Variants in MPPED2 observed in about 807,000 individuals in gnomAD.
The protein encoded by MPPED2 is metallophosphoesterase domain containing 2, also known as metallophosphoesterase MPPED2.
Under a neutral mutation model 33.0 loss-of-function variants are expected in MPPED2, and 5 were observed. That is an observed-to-expected ratio of 0.15 (90% CI 0.08 to 0.32). The LOEUF is 0.32. Ranked by LOEUF, MPPED2 falls within the 10% of genes least tolerant of loss-of-function variation. The pLI, the probability that MPPED2 is intolerant of heterozygous loss-of-function variation, is 1.00. For missense variants in MPPED2, 275 were observed against 372.1 expected, an observed-to-expected ratio of 0.74 and a Z score of 2.15; for synonymous variants, 136 against 141.9, an observed-to-expected ratio of 0.96 and a Z score of 0.29.
intron 4 of MPPED2, chr11:30,441,511 G>A (rs1949571032): frequency 6.6e-6 from 1 of 152,170 alleles, no homozygotes; most frequent in Admixed American, 6.5e-5. Context: ...CATCTGTAAT[G>A]TATGAAATAC....
intron 4 of MPPED2, among the ~76,000 whole-genome samples, chr11:30,457,389 A>T (rs1950323627): frequency 6.6e-6 from 1 of 152,150 alleles, no homozygotes. Context: ...TTCCAAAAAA[A>T]AAAAAAAAAC....
rs556460703 is a variant in MPPED2 at position 30,428,110 on chromosome 11, C to T, written c.537-10477G>A. 2.0e-5 allele frequency among the ~76,000 whole-genome samples: 3 copies of T among 152,236 alleles called. No individual in the cohort carries two copies. The South Asian group carries it at 6.2e-4, about 32-fold the overall frequency. On this transcript the variant is annotated intron_variant, in intron 4 of 6. Coordinates refer to ENST00000358117, the MANE Select transcript of MPPED2 (RefSeq NM_001584.3). ...CTTCTTTCTCTTTACCACCCATTTC[C>T]ATATGTGGCAATAAAAAAGCATCTT...
intron 3 of MPPED2, among the ~76,000 whole-genome samples, chr11:30,497,785 A>G (rs981582969): frequency 8.5e-5 from 13 of 152,078 alleles, no homozygotes; most frequent in Middle Eastern, 3.4e-3. Context: ...GGTGTCTTTT[A>G]AATCAAATTT....
At chr11:30,487,754 G>A (rs1472948538) in intron 4 of MPPED2, among the ~76,000 whole-genome samples, 1 of 152,108 alleles carries the variant, frequency 6.6e-6, no homozygotes, top group Non-Finnish European at 1.5e-5. Flanking sequence ...GGGATTACAT[G>A]CACAAGTCAC....
chr11:30,494,737 CAAAA>C (rs767500886), intron 4 of MPPED2, among the ~76,000 whole-genome samples: 3 of 47,624 alleles, frequency 6.3e-5, no homozygotes, highest in South Asian at 1.6e-3. Context: ...TACTCCACCT[CAAAA>C]AAAAAAAAAA....
At position 30,490,785 on chromosome 11, in the gene MPPED2, C is replaced by G. The variant is rs571554863; in HGVS notation, c.536+4511G>C. 5.3e-5 allele frequency among the ~76,000 whole-genome samples: 8 copies of G among 152,314 alleles called. No homozygotes were observed. In the South Asian group the frequency reaches 1.7e-3, roughly 32 times the overall value. ...TTCTCCCTAGTCTTGAGGTAGCTTTCAGCTGTGTTGCAAGTTATCAACATG... is the reference window on the plus strand; with the variant it reads ...TTCTCCCTAGTCTTGAGGTAGCTTTGAGCTGTGTTGCAAGTTATCAACATG... On this transcript the variant is annotated intron_variant, in intron 4 of 6. Coordinates refer to ENST00000358117, the MANE Select transcript of MPPED2 (RefSeq NM_001584.3).
intron 2 of MPPED2, among the ~76,000 whole-genome samples, chr11:30,548,120 A>G (rs1420373655): frequency 6.6e-6 from 1 of 152,208 alleles, no homozygotes; most frequent in Non-Finnish European, 1.5e-5. Context: ...CAAGTTTACT[A>G]AACCTCTCAA....
intron 3 of MPPED2, among the ~76,000 whole-genome samples, chr11:30,524,262 A>T (rs115850905): frequency 6.6e-6 from 1 of 152,238 alleles, no homozygotes; most frequent in African/African-American, 2.4e-5. Context: ...TCAAAAAAGG[A>T]AAAAAATAAA....
chr11:30,386,273 G>A (rs984165685), exon 7 of MPPED2: 1 of 153,520 alleles, frequency 6.5e-6, no homozygotes, highest in African/African-American at 2.4e-5. Flanking sequence ...AAAAGGCCTT[G>A]AAGGCATTTC....
At chr11:30,585,443 C>T (rs1256073986) in intron 1 of MPPED2, among the ~76,000 whole-genome samples, 1 of 151,984 alleles carries the variant, frequency 6.6e-6, no homozygotes, top group African/African-American at 2.4e-5. Context: ...GCGGTGCCTT[C>T]CCCTCGTCAC....
At chr11:30,585,845 G>A (rs550291895) in intron 1 of MPPED2, among the ~76,000 whole-genome samples, 197 bp downstream of exon 1, 55 of 152,300 alleles carry the variant, frequency 3.6e-4, no homozygotes, top group African/African-American at 1.2e-3. Context: ...GCGCCCGCTC[G>A]TGCGGATGTC....
exon 7 of MPPED2, chr11:30,388,518 TAGG>T: frequency 1.8e-5 from 3 of 163,832 alleles, no homozygotes; most frequent in Admixed American, 6.2e-5. Context: ...GGACTGTTGG[TAGG>T]GGATGCCGAG....
intron 2 of MPPED2, among the ~76,000 whole-genome samples, chr11:30,552,239 G>A (rs1033510837): frequency 6.6e-6 from 1 of 152,184 alleles, no homozygotes; most frequent in Non-Finnish European, 1.5e-5. Context: ...TGGTCAAACA[G>A]GAGCCATCTG....
intron 4 of MPPED2, among the ~76,000 whole-genome samples, chr11:30,420,638 A>T (rs1455903636): frequency 6.6e-6 from 1 of 152,150 alleles, no homozygotes; most frequent in African/African-American, 2.4e-5. Context: ...GCTCAGCTAG[A>T]TGCAGTGCTT....
intron 2 of MPPED2, among the ~76,000 whole-genome samples, chr11:30,559,884 G>A (rs542423164): frequency 1.3e-5 from 2 of 151,926 alleles, no homozygotes; most frequent in East Asian, 3.9e-4. Flanking sequence ...TTCACATTAT[G>A]CCCTATTTTG....
rs530257541 is a variant in MPPED2 at position 30,539,094 on chromosome 11, A to G, written c.129-2919T>C. On this transcript the variant is annotated intron_variant, in intron 2 of 6. Transcript: ENST00000358117. ...AGTGGAGATAATTAAAACTGAGACC[A>G]CCCTCAGGAAACTACTCCTCCCAAA... Among the ~76,000 whole-genome samples, 200 of 152,114 alleles carry G rather than the reference A, an allele frequency of 1.3e-3. 1 individual carries two copies. Among genetic ancestry groups the G allele is most frequent in the Non-Finnish European group, 2.4e-3 (164 of 67,988 alleles).
At chr11:30,526,315 T>C (rs1954175631) in intron 3 of MPPED2, among the ~76,000 whole-genome samples, 1 of 150,458 alleles carries the variant, frequency 6.6e-6, no homozygotes, top group Non-Finnish European at 1.5e-5. Flanking sequence ...AGGACAACAA[T>C]GATGATGAGA....
At chr11:30,401,935 G>A (rs1357761638) in intron 6 of MPPED2, among the ~76,000 whole-genome samples, 1 of 151,456 alleles carries the variant, frequency 6.6e-6, no homozygotes, top group Non-Finnish European at 1.5e-5. Flanking sequence ...CTGACCTCGT[G>A]ATCCGCCTGC....
At chr11:30,420,690 G>T (rs1948571742) in intron 4 of MPPED2, among the ~76,000 whole-genome samples, 1 of 152,136 alleles carries the variant, frequency 6.6e-6, no homozygotes, top group Non-Finnish European at 1.5e-5. Context: ...ACCTCAATTT[G>T]CTTGGGAGGC....
Sources: gnomAD v4.1 joint callset for allele counts (sites outside exome capture counted in the v4.1 genomes callset) on GRCh38, gnomAD v4.1.1 for gene constraint, MANE v1.5 for transcripts, NCBI Gene and HGNC (gene_info 2026-07-23, HGNC 2026-07-21) for gene names.